The following VASH2 variants were observed in gnomAD, a reference collection of about 807,000 sequenced individuals.
VASH2 encodes tubulinyl-Tyr carboxypeptidase 2.
In VASH2, 28 loss-of-function variants were observed where a neutral mutation model predicts 37.2. The observed-to-expected ratio is 0.75, with a 90% CI of 0.56 to 1.03. VASH2 has a LOEUF of 1.03. VASH2 is among the 50% of genes least tolerant of loss of function. The pLI, the probability that VASH2 is intolerant of heterozygous loss-of-function variation, is 0.00. For synonymous variants in VASH2, 188 were observed against 174.7 expected, an observed-to-expected ratio of 1.08 and a Z score of -0.60; for missense variants, 419 against 459.1, an observed-to-expected ratio of 0.91 and a Z score of 0.80.
At chr1:212,953,814 A>G (rs868136450) in intron 2 of VASH2, among the ~76,000 whole-genome samples, 2 of 152,142 alleles carry the variant, frequency 1.3e-5, no homozygotes, top group East Asian at 1.9e-4. Context: ...CTGCTAGACT[A>G]TGAGCCCTCA....
Position 212,982,086 on chromosome 1 carries a change from C to T in VASH2, c.996-6426C>T, listed in dbSNP as rs77296177. On this transcript the variant is annotated intron_variant, in intron 7 of 7. Transcript: ENST00000517399. ...GAACCACCACCCTGTTCTCCCTAGC[C>T]TACCTCCTGCTTTGAGCACCCTCCG... is the stretch of plus-strand genomic sequence containing the variant. Among the ~76,000 whole-genome samples, 1,316 of 152,304 alleles carry T rather than the reference C, an allele frequency of 8.6e-3. 44 individuals carry two copies. Among genetic ancestry groups the T allele is most frequent in the East Asian group, 0.066 (344 of 5,178 alleles).
intron 5 of VASH2, chr1:212,969,102 G>T: frequency 1.0e-6 from 1 of 985,384 alleles, no homozygotes; most frequent in Non-Finnish European, 1.2e-6. Context: ...TCAGAAAAGT[G>T]CAGGAAGGTG....
At chr1:212,978,688 CAG>C (rs1410493718) in intron 7 of VASH2, among the ~76,000 whole-genome samples, 1 of 152,224 alleles carries the variant, frequency 6.6e-6, no homozygotes, top group Non-Finnish European at 1.5e-5. Context: ...CCCAGTAGGT[CAG>C]AGTCTTTGCG....
chr1:212,985,419 CTTT>C (rs144366214), intron 7 of VASH2, among the ~76,000 whole-genome samples: 4 of 135,688 alleles, frequency 2.9e-5, no homozygotes, highest in South Asian at 2.4e-4. Context: ...TAGAGACCAT[CTTT>C]TTTTTTTTTT....
chr1:212,970,894 A>C (rs893119487), intron 5 of VASH2, among the ~76,000 whole-genome samples: 1 of 149,556 alleles, frequency 6.7e-6, no homozygotes, highest in African/African-American at 2.5e-5. Flanking sequence ...TGTCTCAAAA[A>C]AATGAAAAAA....
chr1:212,959,791 C>CCAGCGGAGTCCCCTTCCAT (rs1666614814), intron 2 of VASH2, among the ~76,000 whole-genome samples: 2 of 152,208 alleles, frequency 1.3e-5, no homozygotes, highest in Admixed American at 1.3e-4. Context: ...CTGCACCTCC[C>CCAGCGGAGTCCCCTTCCAT]CAGCGGAGTC....
At chr1:212,977,633 G>A (rs1667218042) in intron 7 of VASH2, among the ~76,000 whole-genome samples, 1 of 152,154 alleles carries the variant, frequency 6.6e-6, no homozygotes, top group Admixed American at 6.5e-5. Flanking sequence ...TGTACCTTAA[G>A]TGGCCTTTAT....
Position 212,988,491 on chromosome 1 carries a change from A to G in VASH2, c.996-21A>G, listed in dbSNP as rs764279969. On this transcript the variant is annotated intron_variant, in intron 7 of 7. Transcript: ENST00000517399. The stretch of plus-strand genomic sequence containing the variant: ...TGCCCCATCCCCTCTCCTCCACCAT[A>G]TTTCTGTCTTTTACCCTTAGGCCTG... 3 of 1,613,296 alleles carry G rather than the reference A, an allele frequency of 1.9e-6. No individual in the cohort carries two copies. In the African/African-American group the frequency reaches 4.0e-5, roughly 22 times the overall value.
intron 2 of VASH2, among the ~76,000 whole-genome samples, chr1:212,959,574 G>T (rs1666607813): frequency 6.6e-6 from 1 of 152,242 alleles, no homozygotes; most frequent in Non-Finnish European, 1.5e-5. Flanking sequence ...GAGAATTGAG[G>T]CAGTGAGAGG....
intron 3 of VASH2, among the ~76,000 whole-genome samples, chr1:212,962,636 T>C (rs996527820): frequency 1.3e-5 from 2 of 152,180 alleles, no homozygotes; most frequent in Non-Finnish European, 2.9e-5. Flanking sequence ...CAATTTCTGC[T>C]CATTTGGGTA....
rs905935992 is a variant in VASH2, at chr1:212,989,235, C to T, written c.*651C>T. 13 of 152,470 alleles carry T rather than the reference C, an allele frequency of 8.5e-5. No individual in the cohort carries two copies. The highest frequency in any genetic ancestry group is 6.5e-4 in the Admixed American group (10 of 15,282). 9.4% of individuals were successfully genotyped at this position (152,470 alleles called of 1,614,324 possible). On this transcript the variant is annotated 3_prime_UTR_variant, in exon 8 of 8. Transcript: ENST00000517399. Reference sequence around the variant, plus strand: ...GAAATTCTTCTGGCAATACAAGAACCATTTTCAGGATCTTGGAGTTACTTC... The same window carrying T: ...GAAATTCTTCTGGCAATACAAGAACTATTTTCAGGATCTTGGAGTTACTTC...
At chr1:212,978,135 T>A (rs899809048) in intron 7 of VASH2, among the ~76,000 whole-genome samples, 3 of 152,106 alleles carry the variant, frequency 2.0e-5, no homozygotes, top group Non-Finnish European at 2.9e-5. Context: ...CCCAGTGAAG[T>A]CATTCTGGGA....
At chr1:212,964,791 C>T (rs969686570) in intron 3 of VASH2, among the ~76,000 whole-genome samples, 42 of 152,208 alleles carry the variant, frequency 2.8e-4, no homozygotes, top group African/African-American at 9.9e-4. Context: ...TCCCCATCCA[C>T]CCTTCCAATC....
Position 212,972,834 on chromosome 1 carries a change from A to G in VASH2, c.752A>G (p.Tyr251Cys), listed in dbSNP as rs778439455. The stretch of plus-strand genomic sequence containing the variant: ...GTCAAGAAGGTCAAGATTGGGCTGT[A>G]CGTCCCCCATGAGCCTCATAGCTTC... ...HTVKKVKIGL[Y>C]VPHEPHSFQP... The change falls in exon 6 of 8, where the codon TAC (tyrosine) becomes TGC (cysteine). Residue 251 changes from tyrosine to cysteine, a missense_variant. Transcript: ENST00000517399. 6.2e-7 allele frequency: 1 copy of G among 1,614,174 alleles called. No homozygotes were observed. Among genetic ancestry groups the G allele is most frequent in the African/African-American group, 1.3e-5 (1 of 75,062 alleles).
intron 5 of VASH2, chr1:212,967,148 A>C: frequency 7.7e-7 from 1 of 1,304,474 alleles, no homozygotes; most frequent in Non-Finnish European, 1.0e-6. Context: ...AGCTTCTCCC[A>C]CACTTTCTGT....
intron 7 of VASH2, among the ~76,000 whole-genome samples, chr1:212,977,700 G>C (rs1372415122): frequency 6.6e-6 from 1 of 152,188 alleles, no homozygotes; most frequent in East Asian, 1.9e-4. Context: ...GATAGGCCCT[G>C]CAGTCCTGTT....
chr1:212,951,626 G>A lies in VASH2; in HGVS notation c.84G>A (p.Arg28=). ...KGTRSRSSHA[R]PVSLATSGGS... is the part of the protein sequence containing the mutation. Reference sequence around the variant, plus strand: ...CCCGGTCCCGGAGCAGCCACGCGCGGCCCGTGAGCCTCGCCACCAGCGGGG... The same window carrying A: ...CCCGGTCCCGGAGCAGCCACGCGCGACCCGTGAGCCTCGCCACCAGCGGGG... Residue 28 remains arginine, a synonymous_variant, in exon 2 of 8, where the codon CGG becomes CGA. Coordinates refer to ENST00000517399, the MANE Select transcript of VASH2 (RefSeq NM_001301056.2). This position sits in a 1 kb window ranked among gnomAD's most constrained non-coding sequence, Gnocchi z 4.4. 6.4e-7 allele frequency: 1 copy of A among 1,568,626 alleles called. No homozygotes were observed. The highest frequency in any genetic ancestry group is 8.6e-7 in the Non-Finnish European group (1 of 1,157,122).
intron 2 of VASH2, among the ~76,000 whole-genome samples, chr1:212,960,034 A>G (rs1257027280): frequency 1.3e-5 from 2 of 152,190 alleles, no homozygotes; most frequent in African/African-American, 4.8e-5. Context: ...AGAAACATGT[A>G]GGTGAAATAA....
chr1:212,981,479 C>T (rs546603210), intron 7 of VASH2, among the ~76,000 whole-genome samples: 1 of 152,322 alleles, frequency 6.6e-6, no homozygotes, highest in African/African-American at 2.4e-5. Flanking sequence ...CCTGGTCTGA[C>T]CTGATTCTGG....
Sources: allele counts gnomAD v4.1 joint callset (sites outside exome capture counted in the v4.1 genomes callset), GRCh38; gene constraint gnomAD v4.1.1; non-coding constraint Gnocchi (gnomAD v3.1); transcripts MANE v1.5; gene names NCBI Gene and HGNC (gene_info 2026-07-23, HGNC 2026-07-21).